Variants in DOCK9 observed in about 807,000 individuals in gnomAD.
DOCK9 encodes the protein dedicator of cytokinesis 9.
Under a neutral mutation model 263.3 loss-of-function variants are expected in DOCK9, and 89 were observed. That is an observed-to-expected ratio of 0.34 (90% CI 0.28 to 0.40). DOCK9 has a LOEUF of 0.40. Ranked by LOEUF, DOCK9 falls within the 10% of genes least tolerant of loss-of-function variation. DOCK9 has a pLI of 1.00. For synonymous variants in DOCK9, 976 were observed against 973.1 expected (o/e 1.00, Z -0.06); for missense variants, 2,140 against 2,603.4 (o/e 0.82, Z 3.87).
intron 1 of DOCK9, among the ~76,000 whole-genome samples, chr13:99,075,872 T>C (rs1301220937): frequency 1.3e-5 from 2 of 151,022 alleles, no homozygotes; most frequent in Non-Finnish European, 2.9e-5. Context: ...GGGTAGTTCA[T>C]GACCATCTGC....
At chr13:99,059,883 G>A (rs190287895) in intron 1 of DOCK9, among the ~76,000 whole-genome samples, 9 of 152,062 alleles carry the variant, frequency 5.9e-5, no homozygotes, top group African/African-American at 1.9e-4. Flanking sequence ...TGGACATCGC[G>A]TATAAATGGA....
chr13:98,942,223 T>G (rs1342629857), intron 2 of DOCK9, among the ~76,000 whole-genome samples: 1 of 101,198 alleles, frequency 9.9e-6, no homozygotes, highest in African/African-American at 3.9e-5. Context: ...TGGTTATGTT[T>G]TTTTTTTTGT....
chr13:99,048,748 T>C (rs2040551189), intron 1 of DOCK9, among the ~76,000 whole-genome samples: 1 of 152,326 alleles, frequency 6.6e-6, no homozygotes, highest in East Asian at 1.9e-4. Flanking sequence ...TCTCTACAGT[T>C]CTCTTTGTAA....
At chr13:98,878,598 G>C (rs1230852099) in intron 27 of DOCK9, among the ~76,000 whole-genome samples, 1 of 152,236 alleles carries the variant, frequency 6.6e-6, no homozygotes, top group African/African-American at 2.4e-5. Context: ...CAATCTGCTA[G>C]ATTTTTCCTT....
chr13:99,076,792 C>T (rs2041925857), intron 1 of DOCK9, among the ~76,000 whole-genome samples: 1 of 152,006 alleles, frequency 6.6e-6, no homozygotes, highest in Admixed American at 6.6e-5. Context: ...ATGCACCAGG[C>T]CCTGCGAAAA....
At chr13:99,022,681 A>G (rs1009244574) in intron 1 of DOCK9, among the ~76,000 whole-genome samples, 4 of 152,152 alleles carry the variant, frequency 2.6e-5, no homozygotes, top group African/African-American at 9.7e-5. Context: ...AAATGCTAGC[A>G]CCTATAATTC....
chr13:99,038,293 T>TCC (rs1566338412), intron 1 of DOCK9, among the ~76,000 whole-genome samples: 6 of 55,962 alleles, frequency 1.1e-4, no homozygotes, highest in South Asian at 1.9e-3. Context: ...CCCCCCTTTT[T>TCC]TTTTTTTTTT....
chr13:98,888,497 T>C lies in DOCK9; in HGVS notation c.1840A>G (p.Lys614Glu). 1 of 1,614,032 alleles carries C rather than the reference T, an allele frequency of 6.2e-7. No homozygotes were observed. Among genetic ancestry groups the C allele is most frequent in the Non-Finnish European group, 8.5e-7 (1 of 1,179,874 alleles). Residue 614 changes from lysine (K) to glutamate (E), a missense_variant, in exon 17 of 53, where the codon AAA (lysine) becomes GAA (glutamate). This residue lies in a region of DOCK9 where 1,521 missense variants were observed against 1,741.7 expected (regional missense o/e 0.87). Coordinates refer to ENST00000682017, the MANE Select transcript of DOCK9 (RefSeq NM_001366683.2). ...TCCACTTCAAACGTGATGGGAGTTT[T>C]ACTGCAGGTTTCAAATTGTTTTGTG... ...IPTKQFETCS[K>E]TPITFEVEEF...
In DOCK9 at chr13:98,958,692, T is replaced by G. The variant is rs571947439; in HGVS notation, c.127-3141A>C. Among the ~76,000 whole-genome samples the G allele has an allele frequency of 2.5e-4, 38 of 152,360 alleles. 1 individual carries two copies. In the South Asian group the frequency reaches 7.9e-3, roughly 32 times the overall value. On this transcript the variant is annotated intron_variant, in intron 1 of 52. Coordinates refer to ENST00000682017, the MANE Select transcript of DOCK9 (RefSeq NM_001366683.2). Reference sequence around the variant, plus strand: ...CTTTAGAGTTATCTTTACCCCCTAATAGAGTTAATCCCCTTTCACCAATTT... The same window carrying G: ...CTTTAGAGTTATCTTTACCCCCTAAGAGAGTTAATCCCCTTTCACCAATTT...
At chr13:98,850,878 C>A (rs1213914062) in intron 35 of DOCK9, among the ~76,000 whole-genome samples, 2 of 151,990 alleles carry the variant, frequency 1.3e-5, no homozygotes, top group Non-Finnish European at 2.9e-5. Context: ...ACCTTTTTTG[C>A]ATTCTTATAT....
Position 98,977,882 on chromosome 13 carries a change from T to C in DOCK9, c.28A>G (p.Ser10Gly). Reference sequence around the variant, plus strand: ...ACCAGTTCCTTTTTGACACTTCTACTACTTGTCCTGCATTTATCAGCCTGC... The same window carrying C: ...ACCAGTTCCTTTTTGACACTTCTACCACTTGTCCTGCATTTATCAGCCTGC... Reference protein sequence around the residue: MQADKCRTSSRSVKKELVIE... With the variant: MQADKCRTSGRSVKKELVIE... Residue 10 changes from serine to glycine, a missense_variant, in exon 1 of 53, where the codon AGT (serine) becomes GGT (glycine). By Grantham distance (56) the Ser-to-Gly change is moderately conservative. Around this residue, in one of 2 missense-constraint regions of DOCK9, gnomAD observed 1,521 missense variants for 1,741.7 expected, o/e 0.87. Transcript: ENST00000682017. 4 of 1,599,270 alleles carry C rather than the reference T, an allele frequency of 2.5e-6. No homozygotes were observed. The highest frequency in any genetic ancestry group is 3.4e-6 in the Non-Finnish European group (4 of 1,172,120).
At chr13:98,989,828 T>C (rs1437487386) in intron 1 of DOCK9, among the ~76,000 whole-genome samples, 2 of 152,224 alleles carry the variant, frequency 1.3e-5, no homozygotes, top group Admixed American at 1.3e-4. Flanking sequence ...GTTCATGCTA[T>C]ACAAAGTCTT....
chr13:98,999,480 C>A (rs1280722516), intron 1 of DOCK9, among the ~76,000 whole-genome samples: 1 of 152,214 alleles, frequency 6.6e-6, no homozygotes, highest in Non-Finnish European at 1.5e-5. Context: ...TCCAGATCAT[C>A]TGGCCTTCTC....
intron 49 of DOCK9, among the ~76,000 whole-genome samples, chr13:98,801,104 A>T (rs2090057899): frequency 6.6e-6 from 1 of 151,762 alleles, no homozygotes; most frequent in South Asian, 2.1e-4. Flanking sequence ...CATGGCAAAA[A>T]CCTAATTTTT....
At chr13:98,866,283 A>C (rs16955981) in intron 30 of DOCK9, among the ~76,000 whole-genome samples, 26,253 of 152,162 alleles carry the variant, frequency 0.17, 3,168 homozygotes, top group East Asian at 0.43. Flanking sequence ...CAGGTTGTAC[A>C]CAACTTATTC....
At chr13:98,994,013 G>A (rs1164374747) in intron 1 of DOCK9, among the ~76,000 whole-genome samples, 1 of 152,206 alleles carries the variant, frequency 6.6e-6, no homozygotes, top group African/African-American at 2.4e-5. Flanking sequence ...GTAAATGTGT[G>A]ATTGAAGGAA....
chr13:98,982,936 C>T (rs189702024), upstream of DOCK9, among the ~76,000 whole-genome samples: 527 of 152,126 alleles, frequency 3.5e-3, 2 homozygotes, highest in African/African-American at 0.01. Context: ...TACAAATAAA[C>T]GTGTTTTTAG....
chr13:99,064,430 C>T (rs190331726), intron 1 of DOCK9, among the ~76,000 whole-genome samples: 8 of 152,216 alleles, frequency 5.3e-5, no homozygotes, highest in African/African-American at 1.9e-4. Context: ...AGGAGGAAAA[C>T]TGAGAACAGT....
At chr13:98,870,094 T>TC (rs1325382631) in intron 27 of DOCK9, among the ~76,000 whole-genome samples, 3 of 152,218 alleles carry the variant, frequency 2.0e-5, no homozygotes, top group Non-Finnish European at 4.4e-5. Context: ...CAAACCAATG[T>TC]CCCAATATCA....
Sources: gnomAD v4.1 joint callset for allele counts (sites outside exome capture counted in the v4.1 genomes callset) on GRCh38, gnomAD v4.1.1 for gene constraint, gnomAD v4.1.1 regional missense constraint, MANE v1.5 for transcripts, NCBI Gene and HGNC (gene_info 2026-07-23, HGNC 2026-07-21) for gene names.